Variants in CDH10 observed in about 807,000 individuals in gnomAD.
CDH10 encodes cadherin-10.
Under a neutral mutation model 73.1 loss-of-function variants are expected in CDH10, and 30 were observed. The observed-to-expected ratio is 0.41, with a 90% CI of 0.31 to 0.56. The LOEUF is 0.56. Among genes scored for constraint, CDH10 ranks in the 20% least tolerant of loss-of-function variants. The probability of loss-of-function intolerance (pLI) is 0.27; values close to 1 mark genes in which losing one functional copy is unlikely to be tolerated. For synonymous variants in CDH10, 345 were observed against 348.2 expected (o/e 0.99, Z 0.10); for missense variants, 815 against 973.7 (o/e 0.84, Z 2.17).
chr5:24,498,058 A>G (rs1486013515), intron 9 of CDH10, among the ~76,000 whole-genome samples: 1 of 152,132 alleles, frequency 6.6e-6, no homozygotes. Flanking sequence ...TCTAGCAGGT[A>G]CCAGTATTTA....
In CDH10 at chr5:24,620,512, A is replaced by C. The variant is rs1579478357; in HGVS notation, c.-124+24082T>G. On this transcript the variant is annotated intron_variant, in intron 1 of 11. Coordinates refer to ENST00000264463, the MANE Select transcript of CDH10 (RefSeq NM_006727.5). ...TTTTCTCTTCAAAATCTGGTTATTG[A>C]ATAAAGAGAGATCTCTGAAAGTGAA... Among the ~76,000 whole-genome samples the C allele has an allele frequency of 2.0e-5, 3 of 152,214 alleles. No homozygotes were observed. In the East Asian group the frequency reaches 5.8e-4, roughly 29 times the overall value.
At chr5:24,642,755 T>C (rs896674222) in intron 1 of CDH10, among the ~76,000 whole-genome samples, 3 of 152,180 alleles carry the variant, frequency 2.0e-5, no homozygotes, top group South Asian at 2.1e-4. Context: ...TGGATGCTCA[T>C]ACAGTTTACC....
intron 2 of CDH10, among the ~76,000 whole-genome samples, chr5:24,540,993 A>G (rs1179295861): frequency 1.3e-5 from 2 of 151,034 alleles, no homozygotes; most frequent in African/African-American, 2.4e-5. Context: ...TGATACAACT[A>G]AAAAAAAACC....
At chr5:24,508,034 T>A (rs1436009874) in intron 7 of CDH10, among the ~76,000 whole-genome samples, 2 of 152,162 alleles carry the variant, frequency 1.3e-5, no homozygotes, top group Non-Finnish European at 2.9e-5. Context: ...GCATATAAAA[T>A]TAGAAGTTTC....
intron 5 of CDH10, among the ~76,000 whole-genome samples, chr5:24,528,648 C>G (rs191482998): frequency 6.6e-6 from 1 of 151,980 alleles, no homozygotes; most frequent in African/African-American, 2.4e-5. Flanking sequence ...AAGCACCAAG[C>G]AATAAAAGTA....
intron 2 of CDH10, among the ~76,000 whole-genome samples, chr5:24,578,854 T>C (rs1745691022): frequency 6.6e-6 from 1 of 152,084 alleles, no homozygotes; most frequent in African/African-American, 2.4e-5. Context: ...AAGTTTGCCA[T>C]CTAAATCCAA....
At chr5:24,539,776 A>T (rs1004047392) in intron 2 of CDH10, among the ~76,000 whole-genome samples, 3 of 152,022 alleles carry the variant, frequency 2.0e-5, no homozygotes, top group African/African-American at 7.2e-5. Context: ...AACCACTCTT[A>T]AAAAAAGTCA....
chr5:24,578,693 A>AT (rs1336859784), intron 2 of CDH10: 1 of 152,460 alleles, frequency 6.6e-6, no homozygotes, highest in Non-Finnish European at 1.5e-5. Flanking sequence ...TCAGTAGCTC[A>AT]TTTTTTTCTA....
chr5:24,569,366 A>G (rs62349604), intron 2 of CDH10, among the ~76,000 whole-genome samples: 26,071 of 152,020 alleles, frequency 0.17, 2,342 homozygotes, highest in East Asian at 0.21. Flanking sequence ...AAAAATGGCT[A>G]AAAAGTACAT....
intron 1 of CDH10, among the ~76,000 whole-genome samples, chr5:24,617,277 G>C (rs1243242355): frequency 1.3e-5 from 2 of 152,106 alleles, no homozygotes; most frequent in Non-Finnish European, 2.9e-5. Flanking sequence ...AATGTCTCCA[G>C]ATACTGCCAA....
chr5:24,579,353 A>G (rs13164606), intron 2 of CDH10, among the ~76,000 whole-genome samples: 1 of 138,770 alleles, frequency 7.2e-6, no homozygotes, highest in Non-Finnish European at 1.6e-5. Flanking sequence ...ATATATATAT[A>G]TGTATACATA....
intron 1 of CDH10, among the ~76,000 whole-genome samples, chr5:24,606,430 G>A (rs554788134): frequency 2.0e-5 from 3 of 152,072 alleles, no homozygotes; most frequent in Non-Finnish European, 2.9e-5. Flanking sequence ...GGCCAACAGG[G>A]TGAAAGCTTG....
intron 5 of CDH10, among the ~76,000 whole-genome samples, chr5:24,532,620 A>G (rs1381048052): frequency 6.6e-6 from 1 of 152,154 alleles, no homozygotes. Context: ...AAAATACTTG[A>G]TAACTTGATA....
Position 24,509,825 on chromosome 5 carries a change from TA to T in CDH10, c.1003-7del. The T allele has an allele frequency of 4.4e-6, 7 of 1,593,414 alleles. No individual in the cohort carries two copies. Among genetic ancestry groups the T allele is most frequent in the Non-Finnish European group, 5.1e-6 (6 of 1,170,530 alleles). On this transcript the variant is annotated splice_region_variant and splice_polypyrimidine_tract_variant and intron_variant, in intron 6 of 11. Coordinates refer to ENST00000264463, the MANE Select transcript of CDH10 (RefSeq NM_006727.5). Reference sequence around the variant, plus strand: ...CGGCTCTCATAGTCGAGTGGCTGTATAAAAAAATAAATCATCAAATTAGAGT... The same window carrying T: ...CGGCTCTCATAGTCGAGTGGCTGTATAAAAAATAAATCATCAAATTAGAGT...
rs757099072 is a variant in CDH10 at position 24,487,934 on chromosome 5, C to G, written c.2096G>C (p.Arg699Pro). 6.2e-7 allele frequency: 1 copy of G among 1,613,762 alleles called. No homozygotes were observed. The highest frequency in any genetic ancestry group is 1.7e-5 in the Admixed American group (1 of 59,962). The stretch of plus-strand genomic sequence containing the variant: ...GTTATCTGGAGCTGTAGGAGTCCTC[C>G]GAGGAATAAATAACGTTTCTGGAAT... ...DIIPETLFIP[R>P]RTPTAPDNTD... The change falls in exon 12 of 12, where the codon CGG (arginine) becomes CCG (proline). Residue 699 changes from arginine (R) to proline (P), a missense_variant. Arg to Pro is a moderately radical substitution (Grantham distance 103). Around this residue, in one of 3 missense-constraint regions of CDH10, gnomAD observed 241 missense variants for 240.3 expected, o/e 1.00. Coordinates refer to ENST00000264463, the MANE Select transcript of CDH10 (RefSeq NM_006727.5).
chr5:24,572,656 G>A (rs1745430104), intron 2 of CDH10, among the ~76,000 whole-genome samples: 1 of 152,036 alleles, frequency 6.6e-6, no homozygotes, highest in Admixed American at 6.5e-5. Context: ...GAATCAAAGA[G>A]TAGAATCGTA....
At chr5:24,549,715 C>A (rs1041928905) in intron 2 of CDH10, among the ~76,000 whole-genome samples, 2 of 151,924 alleles carry the variant, frequency 1.3e-5, no homozygotes, top group Non-Finnish European at 2.9e-5. Flanking sequence ...CAATGCCCTG[C>A]TAATTTTTGT....
At chr5:24,497,683 T>G (rs1365370840) in intron 9 of CDH10, among the ~76,000 whole-genome samples, 1 of 152,152 alleles carries the variant, frequency 6.6e-6, no homozygotes, top group Non-Finnish European at 1.5e-5. Context: ...TAAACACATT[T>G]GATTCCCAAT....
At position 24,593,426 on chromosome 5, in the gene CDH10, G is replaced by A. The variant is rs768358542; in HGVS notation, c.65C>T (p.Pro22Leu). ...FWVCLPHFCS[P>L]EIMFRRTPVP... The stretch of plus-strand genomic sequence containing the variant: ...AGGCGTCCTTCTGAACATTATTTCT[G>A]GAGAGCAGAAATGTGGCAGGCATAC... The change falls in exon 2 of 12, where the codon CCA (proline) becomes CTA (leucine). Residue 22 changes from proline to leucine, a missense_variant. Pro to Leu is a moderately conservative substitution (Grantham distance 98). Transcript: ENST00000264463. 6.2e-7 allele frequency: 1 copy of A among 1,612,640 alleles called. No individual in the cohort carries two copies. The highest frequency in any genetic ancestry group is 1.7e-4 in the Middle Eastern group (1 of 6,058).
Sources: gnomAD v4.1 joint callset for allele counts (sites outside exome capture counted in the v4.1 genomes callset) on GRCh38, gnomAD v4.1.1 for gene constraint, gnomAD v4.1.1 regional missense constraint, MANE v1.5 for transcripts, NCBI Gene and HGNC (gene_info 2026-07-23, HGNC 2026-07-21) for gene names.